The following SNX29 variants were observed in gnomAD, a reference collection of about 807,000 sequenced individuals.
SNX29 encodes sorting nexin-29.
In SNX29, 78 loss-of-function variants were observed where a neutral mutation model predicts 102.1. The observed-to-expected ratio is 0.76, with a 90% CI of 0.64 to 0.92. SNX29 has a LOEUF of 0.92. SNX29 is among the 40% of genes least tolerant of loss of function. The pLI, the probability that SNX29 is intolerant of heterozygous loss-of-function variation, is 0.00. For synonymous variants in SNX29, 580 were observed against 414.5 expected (o/e 1.40, Z -4.85); for missense variants, 1,280 against 1,061.7 (o/e 1.21, Z -2.86).
chr16:12,572,109 A>G lies in SNX29; in HGVS notation c.*3480A>G. ...AGGGGAGGGATGTGGACTGGGTCTG[A>G]TCACAGCCCTTGGCCCTGCTTCATA... On this transcript the variant is annotated 3_prime_UTR_variant, in exon 21 of 21. Transcript: ENST00000566228. The G allele has an allele frequency of 9.6e-7, 1 of 1,046,578 alleles. No individual in the cohort carries two copies. The highest frequency in any genetic ancestry group is 1.2e-6 in the Non-Finnish European group (1 of 862,512). The allele number at this position is 1,046,578 out of a possible 1,614,324, so 64.8% of individuals were successfully genotyped here.
intron 14 of SNX29, among the ~76,000 whole-genome samples, chr16:12,262,512 G>A (rs775427113): frequency 6.6e-6 from 1 of 152,182 alleles, no homozygotes; most frequent in Non-Finnish European, 1.5e-5. Flanking sequence ...GGAATAGATC[G>A]TTGGTTCGAT....
At position 12,209,845 on chromosome 16, in the gene SNX29, CTGT is replaced by C. The variant is rs1018608664; in HGVS notation, c.1678+10169_1678+10171del. Among the ~76,000 whole-genome samples the C allele has an allele frequency of 5.7e-4, 87 of 152,290 alleles. 1 individual carries two copies. Among genetic ancestry groups the C allele is most frequent in the Admixed American group, 3.0e-3 (46 of 15,302 alleles). ...GGCATGACTTTAGGACACTGGCCCT[CTGT>C]TGTTGTCGAGCCTGAAGACTCGCTT... On this transcript the variant is annotated intron_variant, in intron 14 of 20. Coordinates refer to ENST00000566228, the MANE Select transcript of SNX29 (RefSeq NM_032167.5).
Position 12,524,693 on chromosome 16 carries a change from T to C in SNX29, c.2179-9T>C, listed in dbSNP as rs746337726. 1.6e-5 allele frequency: 26 copies of C among 1,612,642 alleles called. No individual in the cohort carries two copies. Among genetic ancestry groups the C allele is most frequent in the African/African-American group, 2.7e-5 (2 of 74,710 alleles). ...CGTACCAAAGCGAAGATGTTTTGTG[T>C]TTCCTCAGGATGCCAAGTTTGTGGA... On this transcript the variant is annotated splice_polypyrimidine_tract_variant and intron_variant, in intron 19 of 20. Transcript: ENST00000566228.
At chr16:12,122,868 C>A (rs1185875283) in intron 11 of SNX29, among the ~76,000 whole-genome samples, 1 of 152,064 alleles carries the variant, frequency 6.6e-6, no homozygotes, top group African/African-American at 2.4e-5. Flanking sequence ...ACTCTGTCAC[C>A]CAGACTGGAG....
chr16:12,423,876 A>G (rs1327620365), intron 18 of SNX29, among the ~76,000 whole-genome samples: 1 of 152,194 alleles, frequency 6.6e-6, no homozygotes, highest in Non-Finnish European at 1.5e-5. Context: ...CCAGCCTACA[A>G]GTTTTTGTAA....
chr16:12,542,577 C>G lies in SNX29; in HGVS notation c.2318+17736C>G, dbSNP rs559804665. 3.9e-5 allele frequency among the ~76,000 whole-genome samples: 6 copies of G among 152,302 alleles called. No individual in the cohort carries two copies. In the South Asian group the frequency reaches 1.2e-3, roughly 32 times the overall value. On this transcript the variant is annotated intron_variant, in intron 20 of 20. Coordinates refer to ENST00000566228, the MANE Select transcript of SNX29 (RefSeq NM_032167.5). ...GAACTCCTGACCTCAAGTGATCCAC[C>G]CGCCTCAGCCTCCCAAAGTGCTGGG...
At chr16:12,562,843 G>A (rs1301885826) in intron 20 of SNX29, among the ~76,000 whole-genome samples, 1 of 152,066 alleles carries the variant, frequency 6.6e-6, no homozygotes, top group African/African-American at 2.4e-5. Flanking sequence ...TCCCCTATAG[G>A]CAACCCGACA....
At chr16:12,509,517 C>A (rs971531640) in intron 19 of SNX29, among the ~76,000 whole-genome samples, 2 of 152,210 alleles carry the variant, frequency 1.3e-5, no homozygotes, top group African/African-American at 4.8e-5. Flanking sequence ...CATGTCGGAA[C>A]CCCGTATCCT....
At chr16:12,559,555 A>C (rs1434552948) in intron 20 of SNX29, among the ~76,000 whole-genome samples, 2 of 152,004 alleles carry the variant, frequency 1.3e-5, no homozygotes, top group African/African-American at 4.8e-5. Flanking sequence ...CATCTGTGGA[A>C]AATTTTTCTT....
At chr16:12,264,901 C>G (rs2078882055) in intron 14 of SNX29, among the ~76,000 whole-genome samples, 1 of 152,170 alleles carries the variant, frequency 6.6e-6, no homozygotes, top group African/African-American at 2.4e-5. Context: ...GTGTACATAC[C>G]TGGATGATAC....
intron 1 of SNX29, among the ~76,000 whole-genome samples, chr16:11,985,173 A>G (rs910904447): frequency 6.6e-5 from 10 of 152,118 alleles, no homozygotes; most frequent in Admixed American, 2.6e-4. Flanking sequence ...ACTAGTTTCA[A>G]TGCTGCTAGT....
rs148435390 is a variant in SNX29, at chr16:12,566,629, G to C, written c.2319-1877G>C. ...TCAGTTCCCCTACACTGCAAGCAAA[G>C]ACCTCCTTCCAGCATCTTTGAACCA... On this transcript the variant is annotated intron_variant, in intron 20 of 20. Coordinates refer to ENST00000566228, the MANE Select transcript of SNX29 (RefSeq NM_032167.5). 6.8e-3 allele frequency among the ~76,000 whole-genome samples: 1,036 copies of C among 152,270 alleles called. 13 individuals are homozygous for C. The highest frequency in any genetic ancestry group is 0.024 in the African/African-American group (1,005 of 41,544).
At chr16:12,300,171 C>T (rs536131441) in intron 15 of SNX29, among the ~76,000 whole-genome samples, 1 of 152,182 alleles carries the variant, frequency 6.6e-6, no homozygotes, top group Admixed American at 6.5e-5. Context: ...TGCAGCTGGC[C>T]GGGATAAATA....
chr16:12,557,022 C>CT (rs1408047063), intron 20 of SNX29, among the ~76,000 whole-genome samples: 4 of 48,610 alleles, frequency 8.2e-5, no homozygotes, highest in Non-Finnish European at 2.2e-4. Flanking sequence ...TTTACCCCCC[C>CT]CCCGCCCCAA....
intron 15 of SNX29, among the ~76,000 whole-genome samples, chr16:12,346,283 G>A (rs1224047245): frequency 2.0e-5 from 3 of 152,122 alleles, no homozygotes; most frequent in Non-Finnish European, 4.4e-5. Flanking sequence ...AGTGGTACTG[G>A]ACACTTCTGC....
chr16:12,453,161 C>A (rs2086381435), intron 18 of SNX29, among the ~76,000 whole-genome samples: 1 of 152,250 alleles, frequency 6.6e-6, no homozygotes, highest in African/African-American at 2.4e-5. Flanking sequence ...CTGTAAGCCT[C>A]TGAAACAGGA....
intron 18 of SNX29, among the ~76,000 whole-genome samples, chr16:12,433,314 A>G (rs1229266962): frequency 6.6e-6 from 1 of 152,042 alleles, no homozygotes; most frequent in Non-Finnish European, 1.5e-5. Flanking sequence ...CCCATTTAGA[A>G]ACTCGGCTCA....
intron 20 of SNX29, among the ~76,000 whole-genome samples, chr16:12,553,573 C>G (rs1234847367): frequency 6.8e-6 from 1 of 147,690 alleles, no homozygotes; most frequent in Non-Finnish European, 1.5e-5. Context: ...GCTGTGGGCT[C>G]TGAGGATGCT....
intron 3 of SNX29, among the ~76,000 whole-genome samples, chr16:12,018,770 G>A (rs2056926543): frequency 7.2e-6 from 1 of 139,584 alleles, no homozygotes; most frequent in African/African-American, 2.7e-5. Context: ...TCCTTTTTGT[G>A]GAGAATGCGG....
Sources: gnomAD v4.1 joint callset for allele counts (sites outside exome capture counted in the v4.1 genomes callset) on GRCh38, gnomAD v4.1.1 for gene constraint, MANE v1.5 for transcripts, NCBI Gene and HGNC (gene_info 2026-07-23, HGNC 2026-07-21) for gene names.